The following RCAN2 variants were observed in gnomAD, a reference collection of about 807,000 sequenced individuals.
RCAN2 encodes regulator of calcineurin 2, also known as calcipressin-2.
RCAN2 carries 9 observed loss-of-function variants against 23.6 expected under a neutral mutation model. The observed-to-expected ratio is 0.38, with a 90% CI of 0.23 to 0.67. RCAN2 has a LOEUF of 0.67. RCAN2 is among the 30% of genes least tolerant of loss of function. The probability of loss-of-function intolerance (pLI) is 0.51; values close to 1 mark genes in which losing one functional copy is unlikely to be tolerated. For synonymous variants in RCAN2, 109 were observed against 115.7 expected (o/e 0.94, Z 0.37); for missense variants, 273 against 302.3 (o/e 0.90, Z 0.72).
At chr6:46,485,592 G>T (rs1321600736) in intron 1 of RCAN2, among the ~76,000 whole-genome samples, 1 of 152,152 alleles carries the variant, frequency 6.6e-6, no homozygotes, top group African/African-American at 2.4e-5. Context: ...AGCAGACAGT[G>T]GAAAATATTT....
chr6:46,448,640 G>A (rs1228842706), intron 2 of RCAN2, among the ~76,000 whole-genome samples: 1 of 151,776 alleles, frequency 6.6e-6, no homozygotes, highest in African/African-American at 2.4e-5. Flanking sequence ...ACAATCAAGT[G>A]AGATTTATCA....
chr6:46,264,610 T>G (rs6937016), intron 2 of RCAN2, among the ~76,000 whole-genome samples: 119,107 of 152,102 alleles, frequency 0.78, 46,973 homozygotes, highest in Non-Finnish European at 0.83. Flanking sequence ...GAAACAAAAA[T>G]GATTGTTTCA....
At chr6:46,289,237 T>C (rs1021903939) in intron 2 of RCAN2, among the ~76,000 whole-genome samples, 1 of 151,478 alleles carries the variant, frequency 6.6e-6, no homozygotes, top group Admixed American at 6.6e-5. Context: ...AACTTCACTA[T>C]TTTTTCCCCC....
At chr6:46,242,146 C>T (rs1766327849) in intron 4 of RCAN2, among the ~76,000 whole-genome samples, 5 of 152,192 alleles carry the variant, frequency 3.3e-5, no homozygotes, top group Admixed American at 3.3e-4. Context: ...TTTCAATAGG[C>T]ACCCACAGGT....
At chr6:46,386,805 G>C (rs917282647) in intron 2 of RCAN2, among the ~76,000 whole-genome samples, 4 of 152,058 alleles carry the variant, frequency 2.6e-5, no homozygotes, top group Non-Finnish European at 5.9e-5. Flanking sequence ...ACAATCCTAA[G>C]CCAAAAGAAC....
intron 2 of RCAN2, among the ~76,000 whole-genome samples, chr6:46,272,129 C>G (rs560806320): frequency 6.6e-6 from 1 of 152,374 alleles, no homozygotes; most frequent in South Asian, 2.1e-4. Flanking sequence ...CAATGTTTGT[C>G]TCTGAAGCTT....
chr6:46,276,209 T>C (rs1450663645), intron 2 of RCAN2, among the ~76,000 whole-genome samples: 2 of 59,846 alleles, frequency 3.3e-5, no homozygotes, highest in Middle Eastern at 7.9e-3. Context: ...AGTGAGACTC[T>C]GTCTAAAAAC....
chr6:46,331,137 C>T (rs1395030787), intron 2 of RCAN2, among the ~76,000 whole-genome samples: 1 of 152,116 alleles, frequency 6.6e-6, no homozygotes, highest in Non-Finnish European at 1.5e-5. Context: ...TACTTTGAGC[C>T]ATGGTTTTTG....
rs1277991612 is a variant in RCAN2, at chr6:46,491,158, G to A, written c.-3+15C>T. ...GTGCCTGGGCGAGCCTGGCCGGCGC[G>A]GTTACATAACCGACCTGCTGGGCGT... On this transcript the variant is annotated intron_variant, in intron 1 of 4. Transcript: ENST00000371374. The A allele has an allele frequency of 3.3e-5, 5 of 151,620 alleles. No individual in the cohort carries two copies. The highest frequency in any genetic ancestry group is 3.3e-4 in the Admixed American group (5 of 15,192). The allele number at this position is 151,620 out of a possible 1,614,324, so 9.4% of individuals were successfully genotyped here. A position where few individuals can be genotyped will look rare whatever the true frequency, so the allele number is the denominator to read the frequency against.
Position 46,329,606 on chromosome 6 carries a change from A to G in RCAN2, c.226-80710T>C, listed in dbSNP as rs559513234. 1.6e-4 allele frequency among the ~76,000 whole-genome samples: 25 copies of G among 152,262 alleles called. No homozygotes were observed. In the South Asian group the frequency reaches 3.7e-3, roughly 23 times the overall value. On this transcript the variant is annotated intron_variant, in intron 2 of 4. Transcript: ENST00000371374. ...ACTCAAACCAATAGAGGTGCCTCCTAGATCCAGGAGTTGCAGGGAGGCTTT... is the reference window on the plus strand; with the variant it reads ...ACTCAAACCAATAGAGGTGCCTCCTGGATCCAGGAGTTGCAGGGAGGCTTT...
intron 2 of RCAN2, among the ~76,000 whole-genome samples, chr6:46,313,582 A>C (rs940233323): frequency 1.3e-5 from 2 of 152,238 alleles, no homozygotes; most frequent in African/African-American, 4.8e-5. Flanking sequence ...CCTCCAAAGA[A>C]CAAGTTGCTT....
rs570837486 is a variant in RCAN2, at chr6:46,482,540, A to G, written c.-3+8633T>C. Among the ~76,000 whole-genome samples, 55 of 152,360 alleles carry G rather than the reference A, an allele frequency of 3.6e-4. 1 individual carries two copies. The South Asian group carries it at 9.3e-3, about 26-fold the overall frequency. On this transcript the variant is annotated intron_variant, in intron 1 of 4. Coordinates refer to ENST00000371374, the MANE Select transcript of RCAN2 (RefSeq NM_001251974.2). ...AGATAAATGGAAATGGGTCCCAAAC[A>G]CCAGTTAGGTAAAGGTCTCTAACCT...
chr6:46,292,231 C>G (rs982869705), intron 2 of RCAN2, among the ~76,000 whole-genome samples: 6 of 152,128 alleles, frequency 3.9e-5, no homozygotes, highest in African/African-American at 1.4e-4. Flanking sequence ...ACTTAGCTAA[C>G]TCTACTTGAG....
At chr6:46,304,025 T>C (rs983233605) in intron 2 of RCAN2, among the ~76,000 whole-genome samples, 5 of 152,122 alleles carry the variant, frequency 3.3e-5, no homozygotes, top group African/African-American at 1.2e-4. Flanking sequence ...TGCAAACAAT[T>C]TCCCAAAGTG....
chr6:46,440,616 A>G (rs960782028), intron 2 of RCAN2, among the ~76,000 whole-genome samples: 1 of 152,068 alleles, frequency 6.6e-6, no homozygotes, highest in African/African-American at 2.4e-5. Flanking sequence ...ACATATATAC[A>G]TAATTAGGTT....
chr6:46,405,981 A>G (rs1036220482), intron 2 of RCAN2, among the ~76,000 whole-genome samples: 2 of 152,232 alleles, frequency 1.3e-5, no homozygotes, highest in Non-Finnish European at 2.9e-5. Flanking sequence ...TGGGGGACCC[A>G]GTACACCCTC....
At chr6:46,465,314 TCA>T (rs1750473950) in intron 1 of RCAN2, among the ~76,000 whole-genome samples, 1 of 152,218 alleles carries the variant, frequency 6.6e-6, no homozygotes, top group African/African-American at 2.4e-5. Context: ...ATTGGAGCAC[TCA>T]CACAAAGCAA....
At chr6:46,458,313 T>C (rs997880167) in intron 1 of RCAN2, among the ~76,000 whole-genome samples, 1 of 152,226 alleles carries the variant, frequency 6.6e-6, no homozygotes, top group African/African-American at 2.4e-5. Context: ...CTCATAGTGA[T>C]GAGGTTATGT....
intron 2 of RCAN2, among the ~76,000 whole-genome samples, chr6:46,427,233 A>T (rs149168396): frequency 6.6e-6 from 1 of 152,254 alleles, no homozygotes; most frequent in East Asian, 1.9e-4. Flanking sequence ...CCACATTATC[A>T]TCTCTTACTT....
Sources: allele counts gnomAD v4.1 joint callset (sites outside exome capture counted in the v4.1 genomes callset), GRCh38; gene constraint gnomAD v4.1.1; transcripts MANE v1.5; gene names NCBI Gene and HGNC (gene_info 2026-07-23, HGNC 2026-07-21).